Variants in CAPZB observed in about 807,000 individuals in gnomAD.
The protein encoded by CAPZB is capping actin protein of muscle Z-line subunit beta.
A neutral mutation model predicts 38.1 loss-of-function variants in CAPZB; 2 were observed. The ratio of observed to expected loss-of-function variants is 0.05; its 90% CI spans 0.02 to 0.17. The LOEUF is 0.17. Ranked by LOEUF, CAPZB falls within the 10% of genes least tolerant of loss-of-function variation. The pLI is 1.00. For missense variants in CAPZB, 161 were observed against 334.2 expected (o/e 0.48, Z 4.04); for synonymous variants, 107 against 127.4 (o/e 0.84, Z 1.08).
In CAPZB at chr1:19,451,095, T is replaced by G. The variant is rs74909371; in HGVS notation, c.4-31345A>C. Among the ~76,000 whole-genome samples the G allele has an allele frequency of 3.3e-5, 5 of 152,330 alleles. No individual in the cohort carries two copies. In the East Asian group the frequency reaches 9.6e-4, roughly 29 times the overall value. On this transcript the variant is annotated intron_variant, in intron 1 of 8. Transcript: ENST00000264202. ...CACAACACTGCAGGGCAAACTGATA[T>G]GCGCCAAATCAGCCATGTTAAGGGG...
chr1:19,383,857 AC>A (rs1278769409), intron 3 of CAPZB, among the ~76,000 whole-genome samples: 1 of 151,696 alleles, frequency 6.6e-6, no homozygotes, highest in Non-Finnish European at 1.5e-5. Flanking sequence ...CCTTGTAATC[AC>A]CCTTCACACC....
chr1:19,411,278 G>T (rs556479645), intron 2 of CAPZB, among the ~76,000 whole-genome samples: 1 of 152,206 alleles, frequency 6.6e-6, no homozygotes, highest in South Asian at 2.1e-4. Flanking sequence ...AATGAAAGAG[G>T]GAAGAGTCAA....
intron 2 of CAPZB, among the ~76,000 whole-genome samples, chr1:19,390,601 C>A (rs962811227): frequency 6.6e-6 from 1 of 152,100 alleles, no homozygotes; most frequent in African/African-American, 2.4e-5. Context: ...AGGAGTGTGC[C>A]CACCCCAGGG....
chr1:19,452,303 G>A (rs2094518717), intron 1 of CAPZB, among the ~76,000 whole-genome samples: 1 of 152,166 alleles, frequency 6.6e-6, no homozygotes, highest in Admixed American at 6.5e-5. Context: ...CCCTCCAGAT[G>A]CCATGACCCC....
At chr1:19,452,265 C>T (rs1445156036) in intron 1 of CAPZB, among the ~76,000 whole-genome samples, 1 of 152,088 alleles carries the variant, frequency 6.6e-6, no homozygotes, top group African/African-American at 2.4e-5. Context: ...CAAGCCTGCT[C>T]CCCCGCAACG....
intron 1 of CAPZB, among the ~76,000 whole-genome samples, chr1:19,469,098 T>C (rs574216296): frequency 1.9e-4 from 29 of 152,276 alleles, no homozygotes; most frequent in East Asian, 7.7e-4. Context: ...TTTGAATGAA[T>C]GGACAGGGAG....
intron 6 of CAPZB, among the ~76,000 whole-genome samples, chr1:19,346,211 A>G (rs921381613): frequency 6.6e-6 from 1 of 152,202 alleles, no homozygotes; most frequent in Non-Finnish European, 1.5e-5. Flanking sequence ...ATACGCAGCT[A>G]CGATGACTAA....
At chr1:19,427,417 G>A (rs1028753283) in intron 1 of CAPZB, among the ~76,000 whole-genome samples, 5 of 152,162 alleles carry the variant, frequency 3.3e-5, no homozygotes, top group African/African-American at 4.8e-5. Context: ...CTCTGCTGGC[G>A]CCCAGAATGA....
At chr1:19,388,612 C>G (rs989374240) in intron 2 of CAPZB, among the ~76,000 whole-genome samples, 11 of 152,242 alleles carry the variant, frequency 7.2e-5, no homozygotes, top group Admixed American at 4.6e-4. Flanking sequence ...AAGCACTGAA[C>G]AAAGAGAACC....
chr1:19,354,236 C>G (rs778696721), intron 6 of CAPZB, among the ~76,000 whole-genome samples: 2 of 152,306 alleles, frequency 1.3e-5, no homozygotes, highest in East Asian at 1.9e-4. Context: ...AAGGGGACAG[C>G]CTGCAAACCA....
At position 19,457,314 on chromosome 1, in the gene CAPZB, C is replaced by T. The variant is rs551722995; in HGVS notation, c.3+28122G>A. ...AGATGACACAGACATCACCAGTGGG[C>T]CCCAGAGACTACAGACAAGGTCCGC... On this transcript the variant is annotated intron_variant, in intron 1 of 8. Transcript: ENST00000264202. Among the ~76,000 whole-genome samples the T allele has an allele frequency of 2.6e-5, 4 of 152,260 alleles. No homozygotes were observed. The East Asian group carries it at 7.7e-4, about 29-fold the overall frequency.
chr1:19,351,050 T>C (rs1360575922), intron 6 of CAPZB, among the ~76,000 whole-genome samples: 1 of 149,918 alleles, frequency 6.7e-6, no homozygotes, highest in Non-Finnish European at 1.5e-5. Context: ...TGGCGCGATC[T>C]TGGCTCACTG....
chr1:19,420,881 A>C (rs1566534), intron 1 of CAPZB, among the ~76,000 whole-genome samples: 1 of 152,202 alleles, frequency 6.6e-6, no homozygotes, highest in Non-Finnish European at 1.5e-5. Context: ...GGAAGGGAAC[A>C]GAGCGGAGGC....
chr1:19,458,272 G>A (rs1019715799), intron 1 of CAPZB, among the ~76,000 whole-genome samples: 2 of 152,174 alleles, frequency 1.3e-5, no homozygotes, highest in African/African-American at 4.8e-5. Context: ...TTTTTTGAAA[G>A]TTTTAATACT....
intron 1 of CAPZB, among the ~76,000 whole-genome samples, chr1:19,473,002 C>G (rs2094595139): frequency 1.3e-5 from 2 of 152,088 alleles, no homozygotes. Context: ...CAGGTGTGAG[C>G]CACAGTGCCC....
chr1:19,412,830 C>A (rs1316024255), intron 2 of CAPZB, among the ~76,000 whole-genome samples: 1 of 152,170 alleles, frequency 6.6e-6, no homozygotes, highest in East Asian at 1.9e-4. Context: ...ATTAAAGAGC[C>A]TCTAACACCT....
At chr1:19,349,275 G>A (rs1384460252) in intron 6 of CAPZB, among the ~76,000 whole-genome samples, 3 of 152,170 alleles carry the variant, frequency 2.0e-5, no homozygotes, top group Admixed American at 1.3e-4. Context: ...CGTGAAGGTG[G>A]TTACTGTGCC....
intron 2 of CAPZB, among the ~76,000 whole-genome samples, chr1:19,412,043 A>C (rs947569562): frequency 6.6e-6 from 1 of 152,216 alleles, no homozygotes. Context: ...ACAGAGCAAA[A>C]GGCTCACGTG....
chr1:19,351,203 G>A (rs1469158919), intron 6 of CAPZB, among the ~76,000 whole-genome samples: 3 of 150,254 alleles, frequency 2.0e-5, no homozygotes, highest in African/African-American at 2.5e-5. Context: ...GGCTGATCTC[G>A]AACTCCTGAC....
Sources: allele counts gnomAD v4.1 joint callset (sites outside exome capture counted in the v4.1 genomes callset), GRCh38; gene constraint gnomAD v4.1.1; transcripts MANE v1.5; gene names NCBI Gene and HGNC (gene_info 2026-07-23, HGNC 2026-07-21).